Variants in MARCHF2 observed in about 807,000 individuals in gnomAD.
MARCHF2 encodes the protein E3 ubiquitin-protein ligase MARCHF2.
A neutral mutation model predicts 24.0 loss-of-function variants in MARCHF2; 22 were observed. The observed-to-expected ratio is 0.92, with a 90% confidence interval of 0.66 to 1.31. MARCHF2 has a LOEUF of 1.31. Ranked by LOEUF, MARCHF2 falls within the 50% of genes most tolerant of loss-of-function variation. MARCHF2 has a pLI of 0.00. For synonymous variants in MARCHF2, 154 were observed against 153.0 expected, an observed-to-expected ratio of 1.01 and a Z score of -0.05; for missense variants, 301 against 335.3, an observed-to-expected ratio of 0.90 and a Z score of 0.80.
chr19:8,420,585 G>T (rs558776062), intron 1 of MARCHF2, among the ~76,000 whole-genome samples: 1 of 151,834 alleles, frequency 6.6e-6, no homozygotes, highest in South Asian at 2.1e-4. Context: ...ATCTGGAAAG[G>T]TGATATTAGT....
At chr19:8,437,421 G>C (rs528094090) in intron 4 of MARCHF2, among the ~76,000 whole-genome samples, 1 of 147,152 alleles carries the variant, frequency 6.8e-6, no homozygotes. Flanking sequence ...GTGCGATCTC[G>C]GCTCACTGCA....
At chr19:8,420,923 A>T (rs968618274) in intron 1 of MARCHF2, among the ~76,000 whole-genome samples, 5 of 151,908 alleles carry the variant, frequency 3.3e-5, no homozygotes, top group African/African-American at 1.2e-4. Context: ...TCTTGAATCC[A>T]AAGTGCTGGG....
intron 4 of MARCHF2, among the ~76,000 whole-genome samples, chr19:8,433,756 C>T (rs1190238453): frequency 2.7e-5 from 4 of 150,736 alleles, no homozygotes; most frequent in East Asian, 3.9e-4. Flanking sequence ...CCTAGCTACT[C>T]GGGAGGCTGA....
In MARCHF2 at chr19:8,423,214, C is replaced by G. The variant is rs144255712; in HGVS notation, c.176+1198C>G. ...AGCTAGGATTACAGCCCCCCCGCCC[C>G]GACCATGCCCGACTAATTTTTGTAT... On this transcript the variant is annotated intron_variant, in intron 2 of 4. Coordinates refer to ENST00000215555, the MANE Select transcript of MARCHF2 (RefSeq NM_001005415.2). 920 of 151,000 alleles carry G rather than the reference C, an allele frequency of 6.1e-3. 10 individuals carry two copies. Among genetic ancestry groups the G allele is most frequent in the African/African-American group, 0.021 (872 of 41,060 alleles). The allele number at this position is 151,000 out of a possible 1,614,324, so 9.4% of individuals were successfully genotyped here. A position where few individuals can be genotyped will look rare whatever the true frequency, so the allele number is the denominator to read the frequency against.
chr19:8,427,359 A>G (rs1046795219), intron 3 of MARCHF2, among the ~76,000 whole-genome samples: 1 of 151,758 alleles, frequency 6.6e-6, no homozygotes, highest in African/African-American at 2.4e-5. Flanking sequence ...TGTGTCTTTC[A>G]TTAGCAGAGA....
At chr19:8,415,891 C>G (rs541845835) in intron 1 of MARCHF2, among the ~76,000 whole-genome samples, 4 of 152,274 alleles carry the variant, frequency 2.6e-5, no homozygotes, top group African/African-American at 7.2e-5. Context: ...TGTCCAGCCT[C>G]AAGTTTGGCC....
At position 8,433,871 on chromosome 19, in the gene MARCHF2, C is replaced by CA. The variant is rs200139023; in HGVS notation, c.582+3018dup. On this transcript the variant is annotated intron_variant, in intron 4 of 4. Coordinates refer to ENST00000215555, the MANE Select transcript of MARCHF2 (RefSeq NM_001005415.2). ...TGAGTGACAGAATAAGACTCTGTCT[C>CA]AAAAAAAAAAAAAAGAAAAAAAGCC... Among the ~76,000 whole-genome samples the CA allele has an allele frequency of 6.1e-3, 563 of 93,054 alleles. 13 individuals are homozygous for CA. In the South Asian group the frequency reaches 0.07, roughly 12 times the overall value. 61.0% of individuals were successfully genotyped at this position (93,054 alleles called of 152,430 possible).
At chr19:8,435,614 C>T (rs1388177319) in intron 4 of MARCHF2, among the ~76,000 whole-genome samples, 1 of 152,150 alleles carries the variant, frequency 6.6e-6, no homozygotes, top group Non-Finnish European at 1.5e-5. Context: ...TCTCCGCTCA[C>T]TGCAACCTCT....
At chr19:8,432,511 G>A (rs537184814) in intron 4 of MARCHF2, among the ~76,000 whole-genome samples, 22 of 152,084 alleles carry the variant, frequency 1.4e-4, no homozygotes, top group African/African-American at 5.1e-4. Flanking sequence ...ATAATTAGCT[G>A]GGCATGTTGG....
Position 8,424,393 on chromosome 19 carries a change from C to T in MARCHF2, c.177-2216C>T, listed in dbSNP as rs183654157. On this transcript the variant is annotated intron_variant, in intron 2 of 4. Transcript: ENST00000215555. ...AAGAATCTACCTTTCCCAGGCCTTG[C>T]GCAGTGGCTCACGCCTGTAATCCCA... Among the ~76,000 whole-genome samples the T allele has an allele frequency of 7.7e-4, 117 of 152,254 alleles. 1 individual carries two copies. Among genetic ancestry groups the T allele is most frequent in the African/African-American group, 2.7e-3 (111 of 41,552 alleles).
At chr19:8,420,684 CTG>C (rs1166700185) in intron 1 of MARCHF2, among the ~76,000 whole-genome samples, 7 of 152,158 alleles carry the variant, frequency 4.6e-5, no homozygotes, top group Non-Finnish European at 8.8e-5. Context: ...GGTTCTCACT[CTG>C]TGGCATAGGC....
At chr19:8,415,195 AG>A (rs1967044396) in intron 1 of MARCHF2, among the ~76,000 whole-genome samples, 1 of 151,628 alleles carries the variant, frequency 6.6e-6, no homozygotes, top group African/African-American at 2.4e-5. Context: ...CCAGGAGTTC[AG>A]GACCAGCCTG....
At chr19:8,418,956 G>A (rs1344074382) in intron 1 of MARCHF2, 1 of 152,346 alleles carries the variant, frequency 6.6e-6, no homozygotes. Flanking sequence ...AGGGGCTCTG[G>A]ACATTGTAGC....
In MARCHF2 at chr19:8,430,669, C is replaced by G. The variant is rs775968699; in HGVS notation, c.384C>G (p.Asp128Glu). 2 of 1,608,334 alleles carry G rather than the reference C, an allele frequency of 1.2e-6. No individual in the cohort carries two copies. The highest frequency in any genetic ancestry group is 2.2e-5 in the South Asian group (2 of 91,022). The change falls in exon 4 of 5, where the codon GAC (aspartate) becomes GAG (glutamate). Residue 128 changes from aspartate (D) to glutamate (E), a missense_variant. By Grantham distance (45) the Asp-to-Glu change is conservative. Coordinates refer to ENST00000215555, the MANE Select transcript of MARCHF2 (RefSeq NM_001005415.2). The surrounding 1 kb of genome is among the most constrained non-coding windows in gnomAD (Gnocchi z 4.4). ...RPRPLTEWLK[D>E]PGPRTEKRTL... ...CCTCTCCCCTGCAGTGGCTGAAGGA[C>G]CCGGGGCCGCGGACGGAGAAGCGGA...
intron 2 of MARCHF2, among the ~76,000 whole-genome samples, chr19:8,423,154 G>T (rs1293170485): frequency 6.7e-6 from 1 of 149,708 alleles, no homozygotes; most frequent in Non-Finnish European, 1.5e-5. Flanking sequence ...CTGCCTCCTG[G>T]GTTCAAGCGA....
At chr19:8,423,985 CA>C (rs142383974) in intron 2 of MARCHF2, among the ~76,000 whole-genome samples, 32,460 of 104,758 alleles carry the variant, frequency 0.31, 3,801 homozygotes, top group Middle Eastern at 0.41. Flanking sequence ...CTGGGTGACT[CA>C]AAAAAAAAAA....
At chr19:8,431,560 G>A (rs1967587465) in intron 4 of MARCHF2, among the ~76,000 whole-genome samples, 1 of 148,988 alleles carries the variant, frequency 6.7e-6, no homozygotes, top group Admixed American at 6.7e-5. Context: ...GGAAAACCCA[G>A]GCACAGTGGC....
rs375215841 is a variant in MARCHF2 at position 8,426,606 on chromosome 19, C to T, written c.177-3C>T. ...TGCTCATGGGTCCTATCTCTGTGTC[C>T]AGTGATGGTCCTTTCTGCCGGATCT... On this transcript the variant is annotated splice_polypyrimidine_tract_variant and splice_region_variant and intron_variant, in intron 2 of 4. Coordinates refer to ENST00000215555, the MANE Select transcript of MARCHF2 (RefSeq NM_001005415.2). 2 of 1,613,328 alleles carry T rather than the reference C, an allele frequency of 1.2e-6. No homozygotes were observed. The highest frequency in any genetic ancestry group is 2.7e-5 in the African/African-American group (2 of 75,038).
intron 4 of MARCHF2, among the ~76,000 whole-genome samples, chr19:8,438,011 C>T (rs1290813726): frequency 3.9e-5 from 6 of 152,114 alleles, no homozygotes; most frequent in East Asian, 1.9e-4. Flanking sequence ...GATCTTCCCC[C>T]GTGCCCGGGC....
Sources: gnomAD v4.1 joint callset for allele counts (sites outside exome capture counted in the v4.1 genomes callset) on GRCh38, gnomAD v4.1.1 for gene constraint, Gnocchi (gnomAD v3.1) non-coding constraint, MANE v1.5 for transcripts, NCBI Gene and HGNC (gene_info 2026-07-23, HGNC 2026-07-21) for gene names.